The following ZC3H3 variants were observed in gnomAD, a reference collection of about 807,000 sequenced individuals.
ZC3H3 encodes zinc finger CCCH domain-containing protein 3.
In ZC3H3, 36 loss-of-function variants were observed where a neutral mutation model predicts 77.3. That is an observed-to-expected ratio of 0.47 (90% CI 0.36 to 0.61). The LOEUF (loss-of-function observed/expected upper bound fraction) is 0.61. Ranked by LOEUF, ZC3H3 falls within the 20% of genes least tolerant of loss-of-function variation. The pLI is 0.00. For synonymous variants in ZC3H3, 626 were observed against 555.2 expected (o/e 1.13, Z -1.79); for missense variants, 1,331 against 1,312.2 (o/e 1.01, Z -0.22).
intron 3 of ZC3H3, among the ~76,000 whole-genome samples, chr8:143,514,860 TTGTC>T (rs1481079543): frequency 2.0e-5 from 3 of 152,258 alleles, no homozygotes; most frequent in African/African-American, 7.2e-5. Flanking sequence ...CCTTGGTTCT[TTGTC>T]TGTTTCTTCT....
chr8:143,538,897 T>G lies in ZC3H3; in HGVS notation c.470A>C (p.Gln157Pro), dbSNP rs1342407623. Residue 157 changes from glutamine to proline, a missense_variant, in exon 2 of 12, where the codon CAA becomes CCA. By Grantham distance (76) the Gln-to-Pro change is moderately conservative. Around this residue, in one of 3 missense-constraint regions of ZC3H3, gnomAD observed 978 missense variants for 915.5 expected, o/e 1.07. Coordinates refer to ENST00000262577, the MANE Select transcript of ZC3H3 (RefSeq NM_015117.3). ...CTCACCTTCACCTTCCCGGGGCCTTTGGTCACTCCAGGGGGTTTCCTCAAA... is the reference window on the plus strand; with the variant it reads ...CTCACCTTCACCTTCCCGGGGCCTTGGGTCACTCCAGGGGGTTTCCTCAAA... Reference protein sequence around the residue: ...EEFEETPWSDQRPREGEGEPP... With the variant: ...EEFEETPWSDPRPREGEGEPP... 1 of 1,612,758 alleles carries G rather than the reference T, an allele frequency of 6.2e-7. No individual in the cohort carries two copies. Among genetic ancestry groups the G allele is most frequent in the Non-Finnish European group, 8.5e-7 (1 of 1,179,960 alleles).
chr8:143,486,661 T>G (rs114701683), intron 4 of ZC3H3, among the ~76,000 whole-genome samples: 4 of 144,148 alleles, frequency 2.8e-5, no homozygotes, highest in Non-Finnish European at 6.1e-5. Context: ...ACCCGCTACA[T>G]GACCCCACCA....
intron 3 of ZC3H3, among the ~76,000 whole-genome samples, chr8:143,520,508 C>T (rs577745246): frequency 1.3e-5 from 2 of 152,306 alleles, no homozygotes; most frequent in South Asian, 2.1e-4. Context: ...TGGGAAGCAC[C>T]GGGGTGCAGG....
intron 4 of ZC3H3, among the ~76,000 whole-genome samples, chr8:143,503,058 C>T (rs752229047): frequency 3.9e-5 from 6 of 152,238 alleles, no homozygotes; most frequent in Non-Finnish European, 7.3e-5. Context: ...ACGGGCACCA[C>T]GCTCAGCAGA....
chr8:143,499,711 C>T (rs1438183685), intron 4 of ZC3H3, among the ~76,000 whole-genome samples: 2 of 152,166 alleles, frequency 1.3e-5, no homozygotes, highest in Non-Finnish European at 2.9e-5. Flanking sequence ...AGCAAGGATA[C>T]AGACAGGATA....
chr8:143,465,866 A>G lies in ZC3H3; in HGVS notation c.2176-18T>C. 2 of 1,604,864 alleles carry G rather than the reference A, an allele frequency of 1.2e-6. No homozygotes were observed. Among genetic ancestry groups the G allele is most frequent in the Non-Finnish European group, 1.7e-6 (2 of 1,178,916 alleles). ...ACCGGCATCTGCAGGGAGGGCCGGC[A>G]GTGAGGGCCAGCAGGCAGCCACCCT... is the stretch of plus-strand genomic sequence containing the variant. On this transcript the variant is annotated intron_variant, in intron 8 of 11. Coordinates refer to ENST00000262577, the MANE Select transcript of ZC3H3 (RefSeq NM_015117.3).
intron 4 of ZC3H3, among the ~76,000 whole-genome samples, chr8:143,499,163 A>AGCCTGGGAGCAGAGGGAAGG (rs1396774277): frequency 1.3e-5 from 2 of 152,114 alleles, no homozygotes; most frequent in Non-Finnish European, 2.9e-5. Flanking sequence ...CTGTGAGGGA[A>AGCCTGGGAGCAGAGGGAAGG]GCCTGGGAGC....
At chr8:143,498,870 TACAGGGCGGGGCGGAGGGGC>T (rs1271369428) in intron 4 of ZC3H3, among the ~76,000 whole-genome samples, 7 of 28,566 alleles carry the variant, frequency 2.5e-4, no homozygotes, top group Admixed American at 5.5e-4. Context: ...GGGCAGGGGG[TACAGGGCGGGGCGGAGGGGC>T]ACAGGGCGGG....
At position 143,538,462 on chromosome 8, in the gene ZC3H3, C is replaced by A; in HGVS notation, c.905G>T (p.Arg302Leu). The A allele has an allele frequency of 6.2e-7, 1 of 1,613,100 alleles. No individual in the cohort carries two copies. Among genetic ancestry groups the A allele is most frequent in the Non-Finnish European group, 8.5e-7 (1 of 1,180,032 alleles). The change falls in exon 2 of 12, where the codon CGA becomes CTA. Residue 302 changes from arginine to leucine, a missense_variant. Physicochemically the swap from Arg to Leu is moderately radical, Grantham distance 102. Transcript: ENST00000262577. Reference sequence around the variant, plus strand: ...GTTGTTTTTCCGGAACTTGTTAGTTCGACAGGTCACAACCAGCGAGGCCTC... The same window carrying A: ...GTTGTTTTTCCGGAACTTGTTAGTTAGACAGGTCACAACCAGCGAGGCCTC... ...AREASLVVTC[R>L]TNKFRKNNYK... is the part of the protein sequence containing the mutation.
chr8:143,469,684 GGGGAGGGGGTGCCATCTGGAGGA>G (rs1203993521), intron 5 of ZC3H3, among the ~76,000 whole-genome samples: 1 of 152,168 alleles, frequency 6.6e-6, no homozygotes, highest in Non-Finnish European at 1.5e-5. Flanking sequence ...GGGATGAGGC[GGGGAGGGGGTGCCATCTGGAGGA>G]GGAGGGTCTG....
Position 143,472,551 on chromosome 8 carries a change from C to A in ZC3H3, c.1903+2847G>T, listed in dbSNP as rs73715610. Among the ~76,000 whole-genome samples the A allele has an allele frequency of 1.1e-3, 172 of 152,322 alleles. 2 individuals are homozygous for A. The highest frequency in any genetic ancestry group is 4.0e-3 in the African/African-American group (168 of 41,572). On this transcript the variant is annotated intron_variant, in intron 5 of 11. Transcript: ENST00000262577. ...CTCCCTCCTCCCCAAAGCTCAGACC[C>A]TGGGCCATCCGGGTGGTGGGCACCG...
At position 143,533,685 on chromosome 8, in the gene ZC3H3, CTTTTT is replaced by C. The variant is rs1244995181; in HGVS notation, c.1561+2567_1561+2571del. On this transcript the variant is annotated intron_variant, in intron 3 of 11. Coordinates refer to ENST00000262577, the MANE Select transcript of ZC3H3 (RefSeq NM_015117.3). The surrounding 1 kb of genome is among the most constrained non-coding windows in gnomAD (Gnocchi z 4.0). Reference sequence around the variant, plus strand: ...CACTCCATGCAGCCGCCACGCTGGTCTTTTTTTTTTTTTTTTTTTGAGACAAAATG... The same window carrying C: ...CACTCCATGCAGCCGCCACGCTGGTCTTTTTTTTTTTTTTGAGACAAAATG... 7.8e-6 allele frequency among the ~76,000 whole-genome samples: 1 copy of C among 128,722 alleles called. No individual in the cohort carries two copies. The allele number at this position is 128,722 out of a possible 152,430, so 84.4% of individuals were successfully genotyped here.
chr8:143,532,450 G>A (rs1018769758), intron 3 of ZC3H3, among the ~76,000 whole-genome samples: 3 of 152,388 alleles, frequency 2.0e-5, no homozygotes. Context: ...GAGAGGTGGA[G>A]CTGGAACTAA....
intron 4 of ZC3H3, among the ~76,000 whole-genome samples, chr8:143,496,260 C>T (rs1563860527): frequency 6.6e-6 from 1 of 152,312 alleles, no homozygotes; most frequent in East Asian, 1.9e-4. Context: ...AGCGTGTGCC[C>T]CCAGGCCAAG....
chr8:143,485,611 T>C (rs983180075), intron 4 of ZC3H3, among the ~76,000 whole-genome samples: 1 of 152,204 alleles, frequency 6.6e-6, no homozygotes, highest in African/African-American at 2.4e-5. Flanking sequence ...AAAACATGAA[T>C]GTGGGATAGA....
At chr8:143,461,661 A>G (rs555006361) in intron 9 of ZC3H3, among the ~76,000 whole-genome samples, 1 of 152,300 alleles carries the variant, frequency 6.6e-6, no homozygotes, top group African/African-American at 2.4e-5. Flanking sequence ...TGTAATAAAA[A>G]CGGGTGCAGC....
chr8:143,441,573 A>G (rs1419566064), intron 9 of ZC3H3, among the ~76,000 whole-genome samples: 1 of 152,140 alleles, frequency 6.6e-6, no homozygotes, highest in Non-Finnish European at 1.5e-5. Context: ...GCCAGGCTGC[A>G]CTGGGTCAGG....
At chr8:143,484,878 C>T (rs1253115761) in intron 4 of ZC3H3, 13 of 455,442 alleles carry the variant, frequency 2.9e-5, no homozygotes, top group South Asian at 3.1e-5. Context: ...ACAGCAAATC[C>T]GGCTCAGCTC....
In ZC3H3 at chr8:143,528,490, G is replaced by C. The variant is rs771801328; in HGVS notation, c.1561+7767C>G. ...CGGGGAGATCGCCAGGCTCAGAAAGGCCTCCCAGCAGCCTGGCACAGGAGG... is the reference window on the plus strand; with the variant it reads ...CGGGGAGATCGCCAGGCTCAGAAAGCCCTCCCAGCAGCCTGGCACAGGAGG... On this transcript the variant is annotated intron_variant, in intron 3 of 11. Transcript: ENST00000262577. Among the ~76,000 whole-genome samples, 7 of 152,224 alleles carry C rather than the reference G, an allele frequency of 4.6e-5. 1 individual carries two copies. The East Asian group carries it at 5.8e-4, about 13-fold the overall frequency.
Sources: allele counts gnomAD v4.1 joint callset (sites outside exome capture counted in the v4.1 genomes callset), GRCh38; gene constraint gnomAD v4.1.1; regional missense constraint gnomAD v4.1.1; non-coding constraint Gnocchi (gnomAD v3.1); transcripts MANE v1.5; gene names NCBI Gene and HGNC (gene_info 2026-07-23, HGNC 2026-07-21).